The following MECOM variants were observed in gnomAD, a reference collection of about 807,000 sequenced individuals.
MECOM encodes MDS1 and EVI1 complex locus.
MECOM carries 13 observed loss-of-function variants against 116.3 expected under a neutral mutation model. The observed-to-expected ratio is 0.11, with a 90% CI of 0.07 to 0.18. The LOEUF (loss-of-function observed/expected upper bound fraction) is 0.18. MECOM is among the 10% of genes least tolerant of loss of function. The pLI is 1.00. For synonymous variants in MECOM, 528 were observed against 535.2 expected, an observed-to-expected ratio of 0.99 and a Z score of 0.19; for missense variants, 1,299 against 1,509.0, an observed-to-expected ratio of 0.86 and a Z score of 2.31.
chr3:169,409,852 A>C (rs551381060), intron 1 of MECOM, among the ~76,000 whole-genome samples: 1 of 152,294 alleles, frequency 6.6e-6, no homozygotes, highest in East Asian at 1.9e-4. Flanking sequence ...TTTTAACACT[A>C]CTGAGAGGAT....
chr3:169,229,457 A>T (rs1458976235), intron 2 of MECOM, among the ~76,000 whole-genome samples: 1 of 152,166 alleles, frequency 6.6e-6, no homozygotes, highest in Non-Finnish European at 1.5e-5. Flanking sequence ...GGGACTGGCA[A>T]GGCTTAATCT....
intron 2 of MECOM, among the ~76,000 whole-genome samples, chr3:169,349,653 AT>A (rs1725966570): frequency 6.6e-6 from 1 of 151,904 alleles, no homozygotes; most frequent in Non-Finnish European, 1.5e-5. Flanking sequence ...AGACCTGTAT[AT>A]TTCCCGTCTA....
At chr3:169,475,618 C>T (rs1310757191) in intron 1 of MECOM, among the ~76,000 whole-genome samples, 7 of 150,932 alleles carry the variant, frequency 4.6e-5, no homozygotes, top group East Asian at 3.9e-4. Flanking sequence ...TGTCTTAAAT[C>T]GGGTAGAAAA....
intron 2 of MECOM, among the ~76,000 whole-genome samples, chr3:169,238,174 C>CAAAAAAAA (rs869078937): frequency 9.7e-5 from 7 of 72,010 alleles, no homozygotes; most frequent in Admixed American, 2.9e-4. Flanking sequence ...GACTCCATCT[C>CAAAAAAAA]AAAAAAAAAA....
intron 13 of MECOM, among the ~76,000 whole-genome samples, chr3:169,093,994 G>A (rs1192566204): frequency 3.3e-5 from 5 of 152,048 alleles, no homozygotes; most frequent in African/African-American, 1.2e-4. Flanking sequence ...AAATAACTTT[G>A]ATAAGAAAAT....
intron 1 of MECOM, among the ~76,000 whole-genome samples, chr3:169,544,517 C>A (rs1053680666): frequency 6.6e-6 from 1 of 152,180 alleles, no homozygotes; most frequent in Non-Finnish European, 1.5e-5. Flanking sequence ...ACAGCCTCAC[C>A]AGCATCTGTT....
At chr3:169,474,573 T>C (rs1750054987) in intron 1 of MECOM, among the ~76,000 whole-genome samples, 1 of 152,168 alleles carries the variant, frequency 6.6e-6, no homozygotes, top group Non-Finnish European at 1.5e-5. Flanking sequence ...AAGTAACTGC[T>C]TTTTCCCTAA....
At chr3:169,567,707 G>A (rs985726519) in intron 1 of MECOM, among the ~76,000 whole-genome samples, 5 of 152,126 alleles carry the variant, frequency 3.3e-5, no homozygotes, top group African/African-American at 4.8e-5. Context: ...GACACCCTGA[G>A]GAAACATTGC....
At chr3:169,175,510 A>G (rs1401844560) in intron 2 of MECOM, among the ~76,000 whole-genome samples, 1 of 152,210 alleles carries the variant, frequency 6.6e-6, no homozygotes, top group Non-Finnish European at 1.5e-5. Flanking sequence ...TCCCATCCCC[A>G]AGATATCTCA....
intron 1 of MECOM, among the ~76,000 whole-genome samples, chr3:169,417,685 A>T (rs373033612): frequency 1.3e-5 from 2 of 151,744 alleles, no homozygotes; most frequent in Non-Finnish European, 2.9e-5. Context: ...ACTATTCACA[A>T]TAGCAAAGAC....
chr3:169,439,899 A>G (rs1342254776), intron 1 of MECOM, among the ~76,000 whole-genome samples: 1 of 152,220 alleles, frequency 6.6e-6, no homozygotes, highest in Non-Finnish European at 1.5e-5. Context: ...CTTGGAAACA[A>G]AATATTGCAT....
chr3:169,274,156 C>T (rs1759303244), intron 2 of MECOM, among the ~76,000 whole-genome samples: 1 of 152,034 alleles, frequency 6.6e-6, no homozygotes. Flanking sequence ...AGGTGATCTG[C>T]CCTCCTCGAC....
At chr3:169,421,639 C>A (rs2108508544) in intron 1 of MECOM, among the ~76,000 whole-genome samples, 1 of 151,986 alleles carries the variant, frequency 6.6e-6, no homozygotes, top group East Asian at 1.9e-4. Context: ...CGAGAATTCT[C>A]ATTTTCTGTG....
intron 7 of MECOM, among the ~76,000 whole-genome samples, chr3:169,118,802 C>G (rs1730022934): frequency 6.6e-6 from 1 of 152,014 alleles, no homozygotes; most frequent in Non-Finnish European, 1.5e-5. Flanking sequence ...CCCGTTGTTA[C>G]ATGGCTGAGT....
At chr3:169,356,985 GATC>G (rs2149815562) in intron 2 of MECOM, among the ~76,000 whole-genome samples, 1 of 151,924 alleles carries the variant, frequency 6.6e-6, no homozygotes, top group South Asian at 2.1e-4. Flanking sequence ...AGAGAAAAAT[GATC>G]ACAGAATTTT....
chr3:169,419,053 G>C (rs558581992), intron 1 of MECOM, among the ~76,000 whole-genome samples: 1 of 152,104 alleles, frequency 6.6e-6, no homozygotes, highest in Admixed American at 6.5e-5. Flanking sequence ...AAAGTCTCAG[G>C]ATACAAAATC....
chr3:169,458,158 C>A (rs1746830109), intron 1 of MECOM, among the ~76,000 whole-genome samples: 2 of 152,190 alleles, frequency 1.3e-5, no homozygotes, highest in Non-Finnish European at 2.9e-5. Flanking sequence ...GGAAGGACAT[C>A]AGTTTTAACA....
chr3:169,646,825 A>G (rs540991509), intron 1 of MECOM, among the ~76,000 whole-genome samples: 3 of 152,320 alleles, frequency 2.0e-5, no homozygotes, highest in Admixed American at 2.0e-4. Context: ...GCAATGAAGT[A>G]ATGACGTATC....
chr3:169,397,677 A>G (rs1316377458), intron 1 of MECOM, among the ~76,000 whole-genome samples: 1 of 152,198 alleles, frequency 6.6e-6, no homozygotes, highest in Admixed American at 6.5e-5. Context: ...TGTATACATG[A>G]CACGACCTTG....
Sources: allele counts gnomAD v4.1 joint callset (sites outside exome capture counted in the v4.1 genomes callset), GRCh38; gene constraint gnomAD v4.1.1; transcripts MANE v1.5; gene names NCBI Gene and HGNC (gene_info 2026-07-23, HGNC 2026-07-21).